ST18: variants seen among roughly 807,000 people sequenced by gnomAD.
The protein encoded by ST18 is ST18 C2H2C-type zinc finger transcription factor.
ST18 carries 50 observed loss-of-function variants against 110.0 expected under a neutral mutation model. That is an observed-to-expected ratio of 0.45 (90% CI 0.36 to 0.58). ST18 has a LOEUF of 0.58. Ranked by LOEUF, ST18 falls within the 20% of genes least tolerant of loss-of-function variation. The pLI is 0.00. For missense variants in ST18, 1,306 were observed against 1,280.1 expected (o/e 1.02, Z -0.31); for synonymous variants, 461 against 452.4 (o/e 1.02, Z -0.24).
intron 16 of ST18, 27 bp from the exon 17 acceptor site, chr8:52,143,072 AAC>A: frequency 6.9e-7 from 1 of 1,455,160 alleles, no homozygotes. Flanking sequence ...AAACAAACAA[AAC>A]ACAGAAGCCA....
intron 2 of ST18, among the ~76,000 whole-genome samples, chr8:52,350,911 G>A (rs897738987): frequency 5.4e-4 from 82 of 151,952 alleles, no homozygotes; most frequent in Admixed American, 5.1e-3. Flanking sequence ...TAGTAGAGAC[G>A]GGGTTTCACT....
chr8:52,251,694 T>G (rs756951060), intron 2 of ST18, among the ~76,000 whole-genome samples: 10 of 152,100 alleles, frequency 6.6e-5, no homozygotes, highest in Non-Finnish European at 1.3e-4. Flanking sequence ...CAATGAAGTC[T>G]TTACTACTTG....
intron 2 of ST18, among the ~76,000 whole-genome samples, chr8:52,322,007 C>T (rs1804160240): frequency 6.6e-6 from 1 of 152,222 alleles, no homozygotes; most frequent in African/African-American, 2.4e-5. Flanking sequence ...AGCATCCTGC[C>T]TTCCCTCCCA....
intron 2 of ST18, among the ~76,000 whole-genome samples, chr8:52,267,070 A>T (rs1030804911): frequency 3.3e-5 from 5 of 152,020 alleles, no homozygotes; most frequent in Non-Finnish European, 7.4e-5. Context: ...TGTGCTTGGA[A>T]AGGCTGGGGA....
chr8:52,253,205 T>A (rs1005328193), intron 2 of ST18, among the ~76,000 whole-genome samples: 1 of 152,048 alleles, frequency 6.6e-6, no homozygotes, highest in Non-Finnish European at 1.5e-5. Flanking sequence ...TGAAAAACAC[T>A]CCAGTTATTT....
At chr8:52,153,880 G>T (rs1029022806) in intron 15 of ST18, among the ~76,000 whole-genome samples, 4 of 152,190 alleles carry the variant, frequency 2.6e-5, no homozygotes, top group African/African-American at 9.7e-5. Context: ...ATTCTAGAGG[G>T]ATTAAAAGGG....
At chr8:52,161,846 CA>C (rs1260561137) in intron 13 of ST18, among the ~76,000 whole-genome samples, 10 of 152,224 alleles carry the variant, frequency 6.6e-5, no homozygotes, top group Non-Finnish European at 1.3e-4. Context: ...ATCCTCCATT[CA>C]TCTTATGAAG....
chr8:52,241,733 C>T (rs1159276198), intron 2 of ST18, among the ~76,000 whole-genome samples: 1 of 152,212 alleles, frequency 6.6e-6, no homozygotes, highest in Admixed American at 6.5e-5. Flanking sequence ...TTTTTGACTT[C>T]ACTGTCTTAA....
chr8:52,252,010 G>A (rs569105437), intron 2 of ST18, among the ~76,000 whole-genome samples: 4 of 151,944 alleles, frequency 2.6e-5, no homozygotes, highest in Non-Finnish European at 4.4e-5. Flanking sequence ...ATAAAGTCAC[G>A]CAAGTTATAT....
At chr8:52,380,351 C>A (rs139498466) in intron 2 of ST18, among the ~76,000 whole-genome samples, 128 of 152,112 alleles carry the variant, frequency 8.4e-4, no homozygotes, top group African/African-American at 2.7e-3. Context: ...ATAATGCACA[C>A]GAAAATATGT....
intron 2 of ST18, among the ~76,000 whole-genome samples, chr8:52,256,732 T>A (rs192869995): frequency 1.5e-4 from 23 of 152,310 alleles, no homozygotes; most frequent in African/African-American, 5.5e-4. Context: ...TTAATGAATA[T>A]CATTATCATA....
At chr8:52,248,674 A>G (rs1342558206) in intron 2 of ST18, 1 of 152,196 alleles carries the variant, frequency 6.6e-6, no homozygotes, top group Non-Finnish European at 1.5e-5. Context: ...CAGCAAGCCA[A>G]TGCTGCTCCA....
chr8:52,254,409 C>T (rs2094459469), intron 2 of ST18: 1 of 152,182 alleles, frequency 6.6e-6, no homozygotes, highest in Non-Finnish European at 1.5e-5. Flanking sequence ...CCTTACGTCA[C>T]ACCTCCCTAT....
intron 10 of ST18, among the ~76,000 whole-genome samples, chr8:52,168,030 A>G (rs2063581347): frequency 6.6e-6 from 1 of 151,950 alleles, no homozygotes; most frequent in Non-Finnish European, 1.5e-5. Flanking sequence ...CATGACTGAG[A>G]TGGCAGATAA....
At chr8:52,400,695 T>G (rs1842579851) in intron 2 of ST18, among the ~76,000 whole-genome samples, 1 of 151,756 alleles carries the variant, frequency 6.6e-6, no homozygotes. Context: ...ATAAAAATAC[T>G]CTAGACTTTT....
chr8:52,161,719 G>C, intron 13 of ST18, 151 bp from the exon 14 acceptor site: 4 of 889,510 alleles, frequency 4.5e-6, no homozygotes, highest in Non-Finnish European at 3.4e-6. Flanking sequence ...TGGCAGGACA[G>C]AGCAGCATGC....
chr8:52,372,791 C>T (rs986568397), intron 2 of ST18, among the ~76,000 whole-genome samples: 6 of 152,126 alleles, frequency 3.9e-5, no homozygotes, highest in South Asian at 4.2e-4. Flanking sequence ...TGCACAACGA[C>T]GAAGTCACCT....
intron 8 of ST18, among the ~76,000 whole-genome samples, chr8:52,189,215 A>G (rs2073587953): frequency 6.6e-6 from 1 of 152,194 alleles, no homozygotes; most frequent in Admixed American, 6.5e-5. Context: ...AAGGAGCTGC[A>G]GGATCTAGCT....
chr8:52,345,376 G>T (rs1252272620), intron 2 of ST18, among the ~76,000 whole-genome samples: 1 of 152,180 alleles, frequency 6.6e-6, no homozygotes, highest in Non-Finnish European at 1.5e-5. Context: ...ATTGCAGAGG[G>T]CTTGGCAATG....
Sources: gnomAD v4.1 joint callset for allele counts (sites outside exome capture counted in the v4.1 genomes callset) on GRCh38, gnomAD v4.1.1 for gene constraint, MANE v1.5 for transcripts, NCBI Gene and HGNC (gene_info 2026-07-23, HGNC 2026-07-21) for gene names.